Variants in SLC8A3 observed in about 807,000 individuals in gnomAD.
The protein encoded by SLC8A3 is sodium/calcium exchanger 3.
SLC8A3 carries 37 observed loss-of-function variants against 65.4 expected under a neutral mutation model. The ratio of observed to expected loss-of-function variants is 0.57; its 90% CI spans 0.44 to 0.74. The LOEUF (loss-of-function observed/expected upper bound fraction) is 0.74. SLC8A3 is among the 30% of genes least tolerant of loss of function. The probability of loss-of-function intolerance (pLI) is 0.00; values close to 1 mark genes in which losing one functional copy is unlikely to be tolerated. For synonymous variants in SLC8A3, 461 were observed against 444.5 expected (o/e 1.04, Z -0.47); for missense variants, 1,112 against 1,172.1 (o/e 0.95, Z 0.75).
At chr14:70,074,874 G>GCCCTAA (rs1250253943) in intron 2 of SLC8A3, among the ~76,000 whole-genome samples, 20 of 152,090 alleles carry the variant, frequency 1.3e-4, no homozygotes, top group African/African-American at 4.1e-4. Context: ...CATTTACCTT[G>GCCCTAA]CCCTAACCCT....
At chr14:70,105,406 G>C (rs1296656093) in intron 2 of SLC8A3, among the ~76,000 whole-genome samples, 2 of 152,068 alleles carry the variant, frequency 1.3e-5, no homozygotes, top group East Asian at 3.8e-4. Context: ...AAAAGTGAGA[G>C]AGGGAACATC....
intron 2 of SLC8A3, among the ~76,000 whole-genome samples, chr14:70,067,063 A>G (rs1309223890): frequency 6.6e-6 from 1 of 152,136 alleles, no homozygotes; most frequent in East Asian, 1.9e-4. Context: ...CTGACCCCTC[A>G]GACCTCGTTC....
In SLC8A3 at chr14:70,121,759, C is replaced by T. The variant is rs144520476; in HGVS notation, c.1784+44880G>A. ...GCTAAGGATGTTCTGCAGGAGGCTG[C>T]CTGGGAGCCCAGCTGGGGAGAGGGA... On this transcript the variant is annotated intron_variant, in intron 2 of 6. Transcript: ENST00000356921. 1.6e-3 allele frequency among the ~76,000 whole-genome samples: 243 copies of T among 152,260 alleles called. 1 individual carries two copies. The highest frequency in any genetic ancestry group is 5.8e-3 in the African/African-American group (239 of 41,542).
At chr14:70,098,337 T>C (rs1290109793) in intron 2 of SLC8A3, among the ~76,000 whole-genome samples, 1 of 151,768 alleles carries the variant, frequency 6.6e-6, no homozygotes, top group Non-Finnish European at 1.5e-5. Flanking sequence ...TACAGTCACC[T>C]CCCCCTTTCC....
chr14:70,099,765 G>T (rs763054431), intron 2 of SLC8A3, among the ~76,000 whole-genome samples: 2 of 152,214 alleles, frequency 1.3e-5, no homozygotes, highest in Non-Finnish European at 2.9e-5. Context: ...ATTATATTCA[G>T]AATTCCCAGA....
At chr14:70,118,301 T>C (rs10147945) in intron 2 of SLC8A3, among the ~76,000 whole-genome samples, 20,538 of 152,224 alleles carry the variant, frequency 0.13, 1,485 homozygotes, top group African/African-American at 0.18. Flanking sequence ...AGATTCCAAA[T>C]GCTCCTGCTT....
At chr14:70,143,097 T>C (rs1895682307) in intron 2 of SLC8A3, among the ~76,000 whole-genome samples, 1 of 152,216 alleles carries the variant, frequency 6.6e-6, no homozygotes, top group Non-Finnish European at 1.5e-5. Context: ...AAATGAGCGC[T>C]GTTGGAGACA....
chr14:70,128,097 T>A (rs182006635), intron 2 of SLC8A3, among the ~76,000 whole-genome samples: 1 of 152,304 alleles, frequency 6.6e-6, no homozygotes, highest in Non-Finnish European at 1.5e-5. Context: ...CCCATCTTAC[T>A]TAAGGGCAAT....
chr14:70,064,641 C>T (rs1889210705), intron 2 of SLC8A3, among the ~76,000 whole-genome samples: 1 of 152,202 alleles, frequency 6.6e-6, no homozygotes, highest in African/African-American at 2.4e-5. Flanking sequence ...ACACTATCTC[C>T]AAACAGGCTT....
chr14:70,124,652 C>A (rs1187692290), intron 2 of SLC8A3, among the ~76,000 whole-genome samples: 1 of 152,244 alleles, frequency 6.6e-6, no homozygotes, highest in Non-Finnish European at 1.5e-5. Context: ...CAGGCAAGAC[C>A]CTCTGCCATC....
At chr14:70,054,600 C>T (rs993121118) in intron 3 of SLC8A3, among the ~76,000 whole-genome samples, 2 of 151,846 alleles carry the variant, frequency 1.3e-5, no homozygotes, top group Non-Finnish European at 2.9e-5. Flanking sequence ...GAAGAAAAAC[C>T]CAATGTTATG....
intron 2 of SLC8A3, among the ~76,000 whole-genome samples, chr14:70,116,547 C>T (rs543833264): frequency 3.9e-5 from 6 of 152,290 alleles, no homozygotes; most frequent in African/African-American, 7.2e-5. Flanking sequence ...AGGCACATCA[C>T]CCACTTCATC....
intron 2 of SLC8A3, among the ~76,000 whole-genome samples, chr14:70,072,279 G>A (rs1890077172): frequency 6.6e-6 from 1 of 152,124 alleles, no homozygotes; most frequent in African/African-American, 2.4e-5. Flanking sequence ...GACATCTGAG[G>A]TAACTGCATG....
chr14:70,090,010 G>T (rs967333104), intron 2 of SLC8A3, among the ~76,000 whole-genome samples: 1 of 152,006 alleles, frequency 6.6e-6, no homozygotes, highest in African/African-American at 2.4e-5. Flanking sequence ...GATCTGCGGG[G>T]ATGTTTTTCT....
At chr14:70,113,227 T>C (rs1893428244) in intron 2 of SLC8A3, among the ~76,000 whole-genome samples, 1 of 152,180 alleles carries the variant, frequency 6.6e-6, no homozygotes. Context: ...CTAAGTGGTA[T>C]AGCCTACTAC....
chr14:70,075,295 G>A (rs1890394412), intron 2 of SLC8A3, among the ~76,000 whole-genome samples: 1 of 152,056 alleles, frequency 6.6e-6, no homozygotes, highest in Non-Finnish European at 1.5e-5. Context: ...CTCCTCACTG[G>A]CCCTTCCTTT....
At chr14:70,098,341 C>A (rs1237186311) in intron 2 of SLC8A3, among the ~76,000 whole-genome samples, 2 of 152,166 alleles carry the variant, frequency 1.3e-5, no homozygotes, top group Admixed American at 1.3e-4. Flanking sequence ...GTCACCTCCC[C>A]CTTTCCCCAA....
chr14:70,077,143 AT>A lies in SLC8A3; in HGVS notation c.1785-16205del, dbSNP rs369210825. On this transcript the variant is annotated intron_variant, in intron 2 of 6. Transcript: ENST00000356921. Reference sequence around the variant, plus strand: ...TATAACTGGAGCAACCAATAAAGTGATTTTTTTTTTCTTAACTCCCAGGACA... The same window carrying A: ...TATAACTGGAGCAACCAATAAAGTGATTTTTTTTTCTTAACTCCCAGGACA... Among the ~76,000 whole-genome samples, 379 of 151,014 alleles carry A rather than the reference AT, an allele frequency of 2.5e-3. 2 individuals are homozygous for A. Among genetic ancestry groups the A allele is most frequent in the African/African-American group, 8.0e-3 (331 of 41,176 alleles).
chr14:70,151,363 G>T (rs1221583836), intron 2 of SLC8A3, among the ~76,000 whole-genome samples: 1 of 152,176 alleles, frequency 6.6e-6, no homozygotes, highest in Non-Finnish European at 1.5e-5. Flanking sequence ...AAAACAGATT[G>T]GGGTATGTGG....
Sources: allele counts gnomAD v4.1 joint callset (sites outside exome capture counted in the v4.1 genomes callset), GRCh38; gene constraint gnomAD v4.1.1; transcripts MANE v1.5; gene names NCBI Gene and HGNC (gene_info 2026-07-23, HGNC 2026-07-21).